LCLAT1: variants seen among roughly 807,000 people sequenced by gnomAD.
The protein encoded by LCLAT1 is 1-AGP acyltransferase 8.
Under a neutral mutation model 30.7 loss-of-function variants are expected in LCLAT1, and 11 were observed. That is an observed-to-expected ratio of 0.36 (90% CI 0.23 to 0.59). The LOEUF (loss-of-function observed/expected upper bound fraction) is 0.59. LCLAT1 is among the 20% of genes least tolerant of loss of function. The pLI is 0.77. For synonymous variants in LCLAT1, 155 were observed against 151.3 expected (o/e 1.02, Z -0.18); for missense variants, 402 against 458.6 (o/e 0.88, Z 1.13).
chr2:30,531,915 G>A (rs1311150650), intron 2 of LCLAT1, among the ~76,000 whole-genome samples: 3 of 152,146 alleles, frequency 2.0e-5, no homozygotes, highest in African/African-American at 7.2e-5. Context: ...GCGTGTAACT[G>A]TCAACCAGGT....
At chr2:30,523,192 G>A (rs982076677) in intron 1 of LCLAT1, among the ~76,000 whole-genome samples, 8 of 151,314 alleles carry the variant, frequency 5.3e-5, no homozygotes, top group East Asian at 3.9e-4. Flanking sequence ...GAGCAGCAGC[G>A]TTGCAGGACT....
chr2:30,604,697 G>A (rs955327248), intron 5 of LCLAT1, among the ~76,000 whole-genome samples: 11 of 146,274 alleles, frequency 7.5e-5, no homozygotes, highest in East Asian at 2.0e-4. Context: ...AACATCATTC[G>A]TAGCTCTCAG....
intron 5 of LCLAT1, among the ~76,000 whole-genome samples, chr2:30,586,589 G>C (rs1335678958): frequency 1.3e-5 from 2 of 152,066 alleles, no homozygotes; most frequent in Non-Finnish European, 2.9e-5. Context: ...CACATTCTGG[G>C]GTTCCAGTAA....
intron 1 of LCLAT1, among the ~76,000 whole-genome samples, chr2:30,516,639 G>C (rs1219750062): frequency 6.6e-6 from 1 of 152,076 alleles, no homozygotes; most frequent in Non-Finnish European, 1.5e-5. Flanking sequence ...AGAGCAAAAG[G>C]CTTGCTGCTA....
intron 5 of LCLAT1, among the ~76,000 whole-genome samples, chr2:30,573,417 G>GAT: frequency 6.6e-6 from 1 of 152,304 alleles, no homozygotes; most frequent in Non-Finnish European, 1.5e-5. Flanking sequence ...ATCACACTGA[G>GAT]ATAGGTATCC....
chr2:30,521,526 T>A (rs1353582231), intron 1 of LCLAT1, among the ~76,000 whole-genome samples: 2 of 96,392 alleles, frequency 2.1e-5, no homozygotes, highest in Non-Finnish European at 2.0e-5. Context: ...TTTTTTTTTT[T>A]GAGAGGGAGT....
At chr2:30,574,271 C>T (rs1386146643) in intron 5 of LCLAT1, among the ~76,000 whole-genome samples, 1 of 152,162 alleles carries the variant, frequency 6.6e-6, no homozygotes, top group Non-Finnish European at 1.5e-5. Context: ...TAAGTTTCTA[C>T]ATTTCTTTAT....
intron 1 of LCLAT1, among the ~76,000 whole-genome samples, chr2:30,493,398 C>G (rs1362598860): frequency 1.3e-5 from 2 of 152,140 alleles, no homozygotes; most frequent in African/African-American, 4.8e-5. Flanking sequence ...ACTGAACAAT[C>G]AAAGGACTGA....
At chr2:30,617,949 A>G (rs1329257103) in intron 5 of LCLAT1, among the ~76,000 whole-genome samples, 4 of 151,956 alleles carry the variant, frequency 2.6e-5, no homozygotes, top group Non-Finnish European at 5.9e-5. Context: ...TTGCATTTTT[A>G]TTTCCTTAAT....
intron 5 of LCLAT1, among the ~76,000 whole-genome samples, chr2:30,625,324 G>T (rs560161856): frequency 6.6e-6 from 1 of 152,218 alleles, no homozygotes; most frequent in South Asian, 2.1e-4. Flanking sequence ...AAATAAAATT[G>T]GTAGACCATT....
In LCLAT1 at chr2:30,641,760, T is replaced by G. The variant is rs1669317486; in HGVS notation, c.*1141T>G. Reference sequence around the variant, plus strand: ...TTCAATAGTAATATTTAAACCCACTTTTGACCAATTGTTTGCCCAAATATT... The same window carrying G: ...TTCAATAGTAATATTTAAACCCACTGTTGACCAATTGTTTGCCCAAATATT... On this transcript the variant is annotated 3_prime_UTR_variant, in exon 6 of 6. Coordinates refer to ENST00000379509, the MANE Select transcript of LCLAT1 (RefSeq NM_001002257.3). 1 of 152,204 alleles carries G rather than the reference T, an allele frequency of 6.6e-6. No homozygotes were observed. Among genetic ancestry groups the G allele is most frequent in the Non-Finnish European group, 1.5e-5 (1 of 68,026 alleles). 9.4% of individuals were successfully genotyped at this position (152,204 alleles called of 1,614,324 possible).
chr2:30,513,362 G>A (rs1248192540), intron 1 of LCLAT1, among the ~76,000 whole-genome samples: 1 of 151,834 alleles, frequency 6.6e-6, no homozygotes, highest in Non-Finnish European at 1.5e-5. Flanking sequence ...TCATTTTCCT[G>A]CATTTTTGGA....
intron 1 of LCLAT1, among the ~76,000 whole-genome samples, chr2:30,487,110 C>T (rs1683594384): frequency 6.6e-6 from 1 of 152,118 alleles, no homozygotes; most frequent in African/African-American, 2.4e-5. Flanking sequence ...AGATGGTATG[C>T]ATTTAATTTG....
intron 1 of LCLAT1, among the ~76,000 whole-genome samples, chr2:30,455,605 G>A (rs1270611429): frequency 6.6e-6 from 1 of 152,038 alleles, no homozygotes; most frequent in Non-Finnish European, 1.5e-5. Context: ...TCTGCAGTTA[G>A]ATCTTTGTCT....
chr2:30,519,108 T>C (rs1306043542), intron 1 of LCLAT1, among the ~76,000 whole-genome samples: 2 of 152,222 alleles, frequency 1.3e-5, no homozygotes, highest in Admixed American at 1.3e-4. Context: ...ACCTGGGCCC[T>C]CACTGAGGAA....
chr2:30,522,414 G>A (rs1001942869), intron 1 of LCLAT1, among the ~76,000 whole-genome samples: 2 of 151,994 alleles, frequency 1.3e-5, no homozygotes, highest in African/African-American at 4.8e-5. Flanking sequence ...TAAGTGTATA[G>A]CTAGCATAAT....
intron 3 of LCLAT1, among the ~76,000 whole-genome samples, chr2:30,535,788 A>G (rs1430443493): frequency 6.6e-6 from 1 of 152,204 alleles, no homozygotes; most frequent in Non-Finnish European, 1.5e-5. Flanking sequence ...AAAGGAACAC[A>G]AGAATTCTCC....
intron 5 of LCLAT1, among the ~76,000 whole-genome samples, chr2:30,595,324 G>A (rs1174774443): frequency 6.6e-6 from 1 of 151,950 alleles, no homozygotes; most frequent in Non-Finnish European, 1.5e-5. Context: ...TTTTATAGTG[G>A]ACCCAGACGT....
intron 5 of LCLAT1, among the ~76,000 whole-genome samples, chr2:30,631,184 C>T (rs1055764003): frequency 1.3e-5 from 2 of 152,180 alleles, no homozygotes; most frequent in Non-Finnish European, 2.9e-5. Flanking sequence ...CTTCTATCTC[C>T]ATTCTGACCT....
Sources: allele counts gnomAD v4.1 joint callset (sites outside exome capture counted in the v4.1 genomes callset), GRCh38; gene constraint gnomAD v4.1.1; transcripts MANE v1.5; gene names NCBI Gene and HGNC (gene_info 2026-07-23, HGNC 2026-07-21).